SBK1: variants seen among roughly 807,000 people sequenced by gnomAD.
The protein encoded by SBK1 is SH3 domain binding kinase 1.
A neutral mutation model predicts 24.4 loss-of-function variants in SBK1; 11 were observed. The ratio of observed to expected loss-of-function variants is 0.45; its 90% CI spans 0.28 to 0.75. The LOEUF is 0.75. Among genes scored for constraint, SBK1 ranks in the 30% least tolerant of loss-of-function variants. SBK1 has a pLI of 0.12. For synonymous variants in SBK1, 308 were observed against 284.4 expected, an observed-to-expected ratio of 1.08 and a Z score of -0.83; for missense variants, 467 against 620.5, an observed-to-expected ratio of 0.75 and a Z score of 2.63.
chr16:28,282,278 G>A (rs143073998), intron 1 of SBK1, among the ~76,000 whole-genome samples: 1 of 151,534 alleles, frequency 6.6e-6, no homozygotes, highest in East Asian at 1.9e-4. Flanking sequence ...CAAGATCTCG[G>A]CTGCAGAAAG....
At position 28,293,164 on chromosome 16, in the gene SBK1, T is replaced by C; in HGVS notation, c.-144T>C. On this transcript the variant is annotated 5_prime_UTR_variant, in exon 1 of 4. Coordinates refer to ENST00000341901, the MANE Select transcript of SBK1 (RefSeq NM_001024401.3). ...ATCCCCCCCCTAAAGCTCCAGGACT[T>C]GGGCGACTGAGCCCCTGGCGGCACC... 1.0e-6 allele frequency: 1 copy of C among 985,370 alleles called. No homozygotes were observed. Among genetic ancestry groups the C allele is most frequent in the Non-Finnish European group, 1.2e-6 (1 of 829,976 alleles). 61.0% of individuals were successfully genotyped at this position (985,370 alleles called of 1,614,324 possible).
intron 1 of SBK1, among the ~76,000 whole-genome samples, chr16:28,279,487 G>C (rs1475236193): frequency 6.8e-6 from 1 of 146,580 alleles, no homozygotes; most frequent in African/African-American, 2.5e-5. Context: ...AGAAGCTTTT[G>C]TTTCTGCTCT....
intron 1 of SBK1, among the ~76,000 whole-genome samples, chr16:28,261,925 T>A (rs193224823): frequency 6.6e-6 from 1 of 152,296 alleles, no homozygotes; most frequent in African/African-American, 2.4e-5. Flanking sequence ...CTCTGCCTCC[T>A]GCCCTGGGAG....
chr16:28,292,326 A>T, upstream of SBK1, among the ~76,000 whole-genome samples: 1 of 35,092 alleles, frequency 2.8e-5, no homozygotes. Context: ...GCGCGGCCGG[A>T]AGGGGGTGGG....
In SBK1 at chr16:28,297,914, C is replaced by T. The variant is rs555851998; in HGVS notation, c.-8+4614C>T. 5.0e-3 allele frequency among the ~76,000 whole-genome samples: 756 copies of T among 152,222 alleles called. 2 individuals are homozygous for T. Among genetic ancestry groups the T allele is most frequent in the Non-Finnish European group, 8.2e-3 (555 of 67,996 alleles). ...CCCCTGCCCCAGGTGTGGGTGAGGG[C>T]GGAGGCCCTTCCTGAGCCTCTTCTA... On this transcript the variant is annotated intron_variant, in intron 1 of 3. Coordinates refer to ENST00000341901, the MANE Select transcript of SBK1 (RefSeq NM_001024401.3).
At chr16:28,280,347 TAA>T (rs1033704909) in intron 1 of SBK1, among the ~76,000 whole-genome samples, 7 of 133,014 alleles carry the variant, frequency 5.3e-5, no homozygotes, top group East Asian at 2.3e-4. Flanking sequence ...TATATATATA[TAA>T]AATATATATA....
intron 1 of SBK1, among the ~76,000 whole-genome samples, chr16:28,315,837 C>T (rs567110540): frequency 2.6e-5 from 4 of 152,282 alleles, no homozygotes; most frequent in African/African-American, 9.6e-5. Context: ...ACGATCTCTG[C>T]TCACTGCAGC....
In SBK1 at chr16:28,319,207, A is replaced by T. The variant is rs1567681052; in HGVS notation, c.429+10A>T. 1 of 1,611,112 alleles carries T rather than the reference A, an allele frequency of 6.2e-7. No individual in the cohort carries two copies. Among genetic ancestry groups the T allele is most frequent in the Admixed American group, 1.7e-5 (1 of 59,992 alleles). On this transcript the variant is annotated intron_variant, in intron 3 of 3. Transcript: ENST00000341901. The surrounding 1 kb of genome is among the most constrained non-coding windows in gnomAD (Gnocchi z 4.0). ...CATCATCCCTCCCCAGGTACTCGGG[A>T]TGGTGGCATAGGGTGGGGAAAGGGT...
At chr16:28,313,597 TA>T (rs61145714) in intron 1 of SBK1, among the ~76,000 whole-genome samples, 376 of 134,892 alleles carry the variant, frequency 2.8e-3, no homozygotes, top group African/African-American at 7.7e-3. Context: ...TACCCTGTCT[TA>T]AAAAAAAAAA....
At chr16:28,307,122 G>T (rs1222323078) in intron 1 of SBK1, among the ~76,000 whole-genome samples, 1 of 152,212 alleles carries the variant, frequency 6.6e-6, no homozygotes, top group East Asian at 1.9e-4. Context: ...GCTGTGAACA[G>T]AGAGGCTGGG....
At chr16:28,313,598 A>T (rs555018544) in intron 1 of SBK1, among the ~76,000 whole-genome samples, 3 of 27,478 alleles carry the variant, frequency 1.1e-4, no homozygotes, top group Admixed American at 2.9e-4. Flanking sequence ...ACCCTGTCTT[A>T]AAAAAAAAAA....
chr16:28,323,021 C>G lies in SBK1; in HGVS notation c.*2100C>G, dbSNP rs982578364. On this transcript the variant is annotated 3_prime_UTR_variant, in exon 4 of 4. Transcript: ENST00000341901. ...TCCCTCTCTCTGTTAAGATCCTGTTCGGGAGTTTCCCCAGCCGTTGTAGTA... is the reference window on the plus strand; with the variant it reads ...TCCCTCTCTCTGTTAAGATCCTGTTGGGGAGTTTCCCCAGCCGTTGTAGTA... The G allele has an allele frequency of 7.4e-5, 10 of 134,600 alleles. No individual in the cohort carries two copies. The highest frequency in any genetic ancestry group is 1.1e-4 in the Non-Finnish European group (7 of 63,894). The allele number at this position is 134,600 out of a possible 1,614,324, so 8.3% of individuals were successfully genotyped here.
At chr16:28,295,589 A>G (rs775361087) in intron 1 of SBK1, among the ~76,000 whole-genome samples, 233 of 152,222 alleles carry the variant, frequency 1.5e-3, no homozygotes, top group Non-Finnish European at 2.0e-3. Flanking sequence ...CTGCATCAGC[A>G]TTGTCTAATT....
intron 1 of SBK1, among the ~76,000 whole-genome samples, chr16:28,307,751 A>AC (rs1199684107): frequency 6.6e-6 from 1 of 151,742 alleles, no homozygotes; most frequent in East Asian, 1.9e-4. Context: ...AAAAAAAAAA[A>AC]AAAAAGAAGA....
At chr16:28,269,898 A>G (rs1372218325) in intron 1 of SBK1, among the ~76,000 whole-genome samples, 1 of 152,034 alleles carries the variant, frequency 6.6e-6, no homozygotes, top group Admixed American at 6.6e-5. Flanking sequence ...AAACAAAAAC[A>G]AAGGATAAAA....
Position 28,269,034 on chromosome 16 carries a change from T to C in SBK1, c.257+9532T>C, listed in dbSNP as rs1284591938. Reference sequence around the variant, plus strand: ...AAAGCCAAATAGCAAGTTCTTTCCTTTTTTTTTTTTTTTTTTTGAGATGGA... The same window carrying C: ...AAAGCCAAATAGCAAGTTCTTTCCTCTTTTTTTTTTTTTTTTTGAGATGGA... On this transcript the variant is annotated intron_variant, in intron 1 of 3. Transcript: ENST00000671413. 2.1e-5 allele frequency among the ~76,000 whole-genome samples: 3 copies of C among 139,816 alleles called. No homozygotes were observed. The East Asian group carries it at 6.1e-4, about 28-fold the overall frequency. The allele number at this position is 139,816 out of a possible 152,430, so 91.7% of individuals were successfully genotyped here. A position where few individuals can be genotyped will look rare whatever the true frequency, so the allele number is the denominator to read the frequency against.
Position 28,317,701 on chromosome 16 carries a change from C to A in SBK1, c.226+84C>A. ...AGGGTTGGGGGACATGACCTTGCAG[C>A]TGGGCCGGGGCTCTCTGGTGCTCTG... On this transcript the variant is annotated intron_variant, in intron 2 of 3. Coordinates refer to ENST00000341901, the MANE Select transcript of SBK1 (RefSeq NM_001024401.3). The surrounding 1 kb of genome is among the most constrained non-coding windows in gnomAD (Gnocchi z 4.2). The A allele has an allele frequency of 2.1e-6, 2 of 939,518 alleles. No homozygotes were observed. The highest frequency in any genetic ancestry group is 1.5e-5 in the South Asian group (1 of 68,858). 58.2% of individuals were successfully genotyped at this position (939,518 alleles called of 1,614,324 possible).
chr16:28,321,196 CACACACACACACACA>C lies in SBK1; in HGVS notation c.*276_*290del. On this transcript the variant is annotated 3_prime_UTR_variant, in exon 4 of 4. Transcript: ENST00000341901. ...GGCCACCACACAACACACACACACA[CACACACACACACACA>C]CACACACACACACACACACACACAC... The C allele has an allele frequency of 3.7e-5, 1 of 26,940 alleles. No homozygotes were observed. Among genetic ancestry groups the C allele is most frequent in the African/African-American group, 7.4e-5 (1 of 13,548 alleles). 1.7% of individuals were successfully genotyped at this position (26,940 alleles called of 1,614,324 possible).
intron 1 of SBK1, among the ~76,000 whole-genome samples, chr16:28,271,335 T>C (rs1332153242): frequency 6.6e-6 from 1 of 152,104 alleles, no homozygotes; most frequent in Non-Finnish European, 1.5e-5. Flanking sequence ...AGCAGGCAGA[T>C]CACCTGAGGT....
Sources: allele counts gnomAD v4.1 joint callset (sites outside exome capture counted in the v4.1 genomes callset), GRCh38; gene constraint gnomAD v4.1.1; non-coding constraint Gnocchi (gnomAD v3.1); transcripts MANE v1.5; gene names NCBI Gene and HGNC (gene_info 2026-07-23, HGNC 2026-07-21).